The following KALRN variants were observed in gnomAD, a reference collection of about 807,000 sequenced individuals.
KALRN encodes the protein kalirin.
In KALRN, 70 loss-of-function variants were observed where a neutral mutation model predicts 353.7. The observed-to-expected ratio is 0.20, with a 90% confidence interval of 0.16 to 0.24. The LOEUF (loss-of-function observed/expected upper bound fraction) is 0.24, where lower values mean the gene tolerates loss of function less well. Ranked by LOEUF, KALRN falls within the 10% of genes least tolerant of loss-of-function variation. The pLI, the probability that KALRN is intolerant of heterozygous loss-of-function variation, is 1.00. For synonymous variants in KALRN, 1,391 were observed against 1,434.8 expected (o/e 0.97, Z 0.69); for missense variants, 2,791 against 3,756.7 (o/e 0.74, Z 6.72).
At chr3:124,356,367 CTT>C (rs1222382812) in intron 10 of KALRN, among the ~76,000 whole-genome samples, 15 of 123,230 alleles carry the variant, frequency 1.2e-4, no homozygotes, top group Non-Finnish European at 2.3e-4. Context: ...GAGTTTCTCT[CTT>C]GTCACCCAGG....
intron 37 of KALRN, among the ~76,000 whole-genome samples, chr3:124,645,663 C>CATGT (rs1553708671): frequency 6.8e-6 from 1 of 147,910 alleles, no homozygotes; most frequent in Admixed American, 6.7e-5. Flanking sequence ...TCTCTCTGTG[C>CATGT]GTGTGTGTGT....
intron 3 of KALRN, among the ~76,000 whole-genome samples, chr3:124,237,410 T>G (rs2148610698): frequency 6.7e-6 from 1 of 148,400 alleles, no homozygotes. Context: ...TCACCCAGGC[T>G]GGAGTGCAGT....
chr3:124,251,325 C>T (rs1553874645), intron 3 of KALRN, among the ~76,000 whole-genome samples: 1 of 149,572 alleles, frequency 6.7e-6, no homozygotes, highest in Non-Finnish European at 1.5e-5. Context: ...GCTCTTTTGA[C>T]TGTTTGCGGC....
chr3:124,143,946 G>C (rs1162588764), intron 1 of KALRN, among the ~76,000 whole-genome samples: 1 of 152,156 alleles, frequency 6.6e-6, no homozygotes, highest in Non-Finnish European at 1.5e-5. Context: ...TGGGCAGTAA[G>C]GGGGGGATCT....
chr3:124,704,853 A>G (rs2150719251), intron 57 of KALRN, among the ~76,000 whole-genome samples: 1 of 152,310 alleles, frequency 6.6e-6, no homozygotes, highest in Middle Eastern at 3.4e-3. Context: ...CCAGGCCCAA[A>G]TAATACATGG....
At chr3:124,617,546 T>C (rs1194946283) in intron 34 of KALRN, among the ~76,000 whole-genome samples, 1 of 152,198 alleles carries the variant, frequency 6.6e-6, no homozygotes, top group Non-Finnish European at 1.5e-5. Flanking sequence ...CTAAAGGGTG[T>C]ATAAGCAGGG....
rs1204386673 is a variant in KALRN, at chr3:124,487,166, G to A, written c.4285-1038G>A. Reference sequence around the variant, plus strand: ...TAACCATTCCCTTCTCAGTGTCAAAGGGAGCAAGATACAGTGACCCTGATA... The same window carrying A: ...TAACCATTCCCTTCTCAGTGTCAAAAGGAGCAAGATACAGTGACCCTGATA... On this transcript the variant is annotated intron_variant, in intron 28 of 59. Transcript: ENST00000682506. 2.6e-5 allele frequency among the ~76,000 whole-genome samples: 4 copies of A among 152,198 alleles called. No homozygotes were observed. In the East Asian group the frequency reaches 5.8e-4, roughly 22 times the overall value.
At chr3:124,575,490 A>G (rs1356504401) in intron 34 of KALRN, among the ~76,000 whole-genome samples, 1 of 152,158 alleles carries the variant, frequency 6.6e-6, no homozygotes, top group African/African-American at 2.4e-5. Flanking sequence ...CTATGTATTC[A>G]TTTCCTGTTG....
intron 10 of KALRN, among the ~76,000 whole-genome samples, chr3:124,378,394 C>G (rs1253173956): frequency 1.3e-5 from 2 of 152,052 alleles, no homozygotes; most frequent in Non-Finnish European, 2.9e-5. Flanking sequence ...TCCCACACTA[C>G]ATTGTTATCA....
At chr3:124,114,505 A>G (rs150813089) in intron 1 of KALRN, among the ~76,000 whole-genome samples, 11 of 152,338 alleles carry the variant, frequency 7.2e-5, no homozygotes, top group African/African-American at 2.4e-4. Flanking sequence ...TGATCCTGGC[A>G]TAGTGAAGAC....
At chr3:124,111,483 A>G (rs919288679) in intron 1 of KALRN, among the ~76,000 whole-genome samples, 1 of 152,184 alleles carries the variant, frequency 6.6e-6, no homozygotes, top group Non-Finnish European at 1.5e-5. Context: ...CCCCTGAAGC[A>G]CATGGATGCT....
intron 1 of KALRN, among the ~76,000 whole-genome samples, chr3:124,107,070 G>A (rs1578124014): frequency 6.6e-6 from 1 of 152,164 alleles, no homozygotes; most frequent in Non-Finnish European, 1.5e-5. Context: ...GAACCCAGAG[G>A]AGTATCTTCC....
chr3:124,347,573 G>A (rs6809887), intron 10 of KALRN, among the ~76,000 whole-genome samples: 70,114 of 151,724 alleles, frequency 0.46, 17,806 homozygotes, highest in African/African-American at 0.67. Flanking sequence ...CTTTGAAAAA[G>A]ATCTTCCTGC....
At chr3:124,488,963 A>G (rs1474720289) in intron 29 of KALRN, 2 of 152,244 alleles carry the variant, frequency 1.3e-5, no homozygotes, top group East Asian at 3.9e-4. Context: ...AAACCTGTAG[A>G]GTAAGATTCC....
chr3:124,411,072 T>C (rs1209292044), intron 13 of KALRN, among the ~76,000 whole-genome samples: 4 of 152,164 alleles, frequency 2.6e-5, no homozygotes, highest in Non-Finnish European at 4.4e-5. Flanking sequence ...TGATACAACA[T>C]GTTGAACAAA....
In KALRN at chr3:124,725,169, ATTACAGAGACTG is replaced by A; in HGVS notation, c.*5704_*5715del. On this transcript the variant is annotated 3_prime_UTR_variant, in exon 60 of 60. Coordinates refer to ENST00000682506, the MANE Select transcript of KALRN (RefSeq NM_001388419.1). ...AACAACTGAATCCATGTTCTGGAGT[ATTACAGAGACTG>A]TTACTATGACCTCAAAGACTGTGGC... 6.6e-6 allele frequency: 1 copy of A among 152,328 alleles called. No individual in the cohort carries two copies. Among genetic ancestry groups the A allele is most frequent in the African/African-American group, 2.4e-5 (1 of 41,590 alleles). 9.4% of individuals were successfully genotyped at this position (152,328 alleles called of 1,614,324 possible).
intron 1 of KALRN, among the ~76,000 whole-genome samples, chr3:124,189,162 T>A (rs1261876073): frequency 3.3e-5 from 5 of 152,182 alleles, no homozygotes; most frequent in Non-Finnish European, 7.3e-5. Flanking sequence ...TGTGCAGAAA[T>A]GTCAGAGACC....
In KALRN at chr3:124,262,500, G is replaced by A. The variant is rs920893; in HGVS notation, c.264-1998G>A. 5.1e-4 allele frequency among the ~76,000 whole-genome samples: 77 copies of A among 152,200 alleles called. 1 individual carries two copies. The highest frequency in any genetic ancestry group is 1.7e-3 in the African/African-American group (72 of 41,530). On this transcript the variant is annotated intron_variant, in intron 3 of 59. Coordinates refer to ENST00000682506, the MANE Select transcript of KALRN (RefSeq NM_001388419.1). ...GACAAAATTATTTATGGAAAGCTTCGGCCACTCATTGTTTCAATAAGTGTC... is the reference window on the plus strand; with the variant it reads ...GACAAAATTATTTATGGAAAGCTTCAGCCACTCATTGTTTCAATAAGTGTC...
At chr3:124,491,638 T>C in intron 31 of KALRN, 2 of 379,774 alleles carry the variant, frequency 5.3e-6, no homozygotes, top group Non-Finnish European at 4.7e-6. Context: ...TGCATGCACA[T>C]GTGTGACCAA....
Sources: gnomAD v4.1 joint callset for allele counts (sites outside exome capture counted in the v4.1 genomes callset) on GRCh38, gnomAD v4.1.1 for gene constraint, MANE v1.5 for transcripts, NCBI Gene and HGNC (gene_info 2026-07-23, HGNC 2026-07-21) for gene names.